Variants in NLRP5 observed in about 807,000 individuals in gnomAD.
NLRP5 encodes the protein NLR family pyrin domain containing 5, also known as NACHT, LRR and PYD domains-containing protein 5.
Under a neutral mutation model 113.1 loss-of-function variants are expected in NLRP5, and 93 were observed. The observed-to-expected ratio is 0.82, with a 90% CI of 0.70 to 0.98. NLRP5 has a LOEUF of 0.98. NLRP5 is among the 50% of genes least tolerant of loss of function. NLRP5 has a pLI of 0.00. For missense variants in NLRP5, 1,808 were observed against 1,514.3 expected (o/e 1.19, Z -3.22); for synonymous variants, 751 against 600.7 (o/e 1.25, Z -3.66).
At chr19:56,010,580 A>C (rs1374071123) in intron 3 of NLRP5, among the ~76,000 whole-genome samples, 1 of 137,634 alleles carries the variant, frequency 7.3e-6, no homozygotes, top group Non-Finnish European at 1.6e-5. Context: ...CCCCATGTCT[A>C]CTAAAAATAC....
chr19:56,032,749 G>C lies in NLRP5; in HGVS notation c.2415G>C (p.Leu805=). The stretch of plus-strand genomic sequence containing the variant: ...CCATGAAGACCCTGTGTGCCAAGCT[G>C]AGGCATCCCACCTGCAAGATACAGA... Residue 805 remains leucine (L), a synonymous_variant, in exon 8 of 15, where the codon CTG becomes CTC. Transcript: ENST00000390649. 6.2e-7 allele frequency: 1 copy of C among 1,612,182 alleles called. No homozygotes were observed. The highest frequency in any genetic ancestry group is 8.5e-7 in the Non-Finnish European group (1 of 1,179,580).
intron 2 of NLRP5, among the ~76,000 whole-genome samples, chr19:56,006,430 A>ATT (rs763285151): frequency 0.029 from 4,417 of 150,832 alleles, 82 homozygotes; most frequent in Non-Finnish European, 0.037. Context: ...ATAATTTTAA[A>ATT]AAAAAAATGG....
At chr19:56,037,714 A>AAAAAAAAAAAAAG (rs200215825) in intron 9 of NLRP5, among the ~76,000 whole-genome samples, 2 of 131,672 alleles carry the variant, frequency 1.5e-5, no homozygotes, top group Non-Finnish European at 1.6e-5. Context: ...AAAAAAAAAA[A>AAAAAAAAAAAAAG]TGTTGGCTGG....
chr19:56,023,268 A>G (rs1338042194), intron 6 of NLRP5, among the ~76,000 whole-genome samples: 1 of 152,222 alleles, frequency 6.6e-6, no homozygotes, highest in East Asian at 1.9e-4. Context: ...GTAAAAACCT[A>G]CATTCCAGTG....
chr19:56,002,794 C>T (rs549881211), intron 1 of NLRP5, among the ~76,000 whole-genome samples: 87 of 151,986 alleles, frequency 5.7e-4, no homozygotes, highest in Admixed American at 1.8e-3. Context: ...AGGACATGAA[C>T]TCATCCTTTT....
At chr19:56,038,902 T>G (rs866039813) in intron 10 of NLRP5, among the ~76,000 whole-genome samples, 15 of 152,252 alleles carry the variant, frequency 9.9e-5, no homozygotes, top group Non-Finnish European at 2.2e-4. Flanking sequence ...GCCTCAACTC[T>G]TGGGCCCAAG....
chr19:56,048,966 ATTT>A (rs57420626), intron 11 of NLRP5, among the ~76,000 whole-genome samples: 1 of 108,288 alleles, frequency 9.2e-6, no homozygotes, highest in African/African-American at 3.5e-5. Context: ...TCAAGCTCTG[ATTT>A]TTTTTTTTAA....
chr19:56,038,166 A>C lies in NLRP5; in HGVS notation c.2757A>C (p.Arg919Ser). Reference sequence around the variant, plus strand: ...TAATGCCTCTCAGTGATGCCTTGAGAGTCTCCCAGTGCGCCCTGCAGAAGC... The same window carrying C: ...TAATGCCTCTCAGTGATGCCTTGAGCGTCTCCCAGTGCGCCCTGCAGAAGC... The change falls in exon 10 of 15, where the codon AGA (arginine) becomes AGC (serine). Residue 919 changes from arginine to serine, a missense_variant. By Grantham distance (110) the Arg-to-Ser change is moderately radical (BLOSUM62 -1). Transcript: ENST00000390649. 1.2e-6 allele frequency: 2 copies of C among 1,613,470 alleles called. No homozygotes were observed. Among genetic ancestry groups the C allele is most frequent in the Non-Finnish European group, 1.7e-6 (2 of 1,179,714 alleles).
chr19:56,007,577 A>C (rs551646079), intron 2 of NLRP5, among the ~76,000 whole-genome samples: 1 of 151,182 alleles, frequency 6.6e-6, no homozygotes, highest in South Asian at 2.1e-4. Flanking sequence ...AATGAGCAGG[A>C]GGTGAAGACG....
At chr19:56,011,166 T>TATATATATAC (rs112102134) in intron 3 of NLRP5, among the ~76,000 whole-genome samples, 48,734 of 150,428 alleles carry the variant, frequency 0.32, 8,329 homozygotes, top group Non-Finnish European at 0.39. Flanking sequence ...AAAATATATA[T>TATATATATAC]ACACACATAC....
intron 10 of NLRP5, among the ~76,000 whole-genome samples, chr19:56,040,556 G>T (rs1321301992): frequency 6.6e-6 from 1 of 152,106 alleles, no homozygotes; most frequent in East Asian, 1.9e-4. Flanking sequence ...AACAGAGCGA[G>T]ACTCCATCTC....
At chr19:56,006,272 T>G (rs924481734) in intron 2 of NLRP5, among the ~76,000 whole-genome samples, 11 of 151,990 alleles carry the variant, frequency 7.2e-5, no homozygotes, top group African/African-American at 2.7e-4. Flanking sequence ...CCGGGGTCTG[T>G]TGTGGGGTGG....
intron 13 of NLRP5, among the ~76,000 whole-genome samples, chr19:56,055,708 G>A (rs1028506682): frequency 6.6e-6 from 1 of 151,330 alleles, no homozygotes. Flanking sequence ...ACCACGCCCG[G>A]CTAATTTTTT....
chr19:55,999,058 CTG>C (rs569163852), upstream of NLRP5, among the ~76,000 whole-genome samples: 89 of 152,040 alleles, frequency 5.9e-4, no homozygotes, highest in African/African-American at 2.0e-3. Context: ...ATTTCTCTGA[CTG>C]AAACTTGTTT....
intron 9 of NLRP5, 130 bp from the exon 10 acceptor site, chr19:56,037,895 C>A: frequency 1.1e-6 from 1 of 875,952 alleles, no homozygotes; most frequent in Non-Finnish European, 1.7e-6. Flanking sequence ...ACTTCTCAGG[C>A]CCGGAGGCAG....
chr19:56,026,999 A>C lies in NLRP5; in HGVS notation c.766A>C (p.Thr256Pro), dbSNP rs1333561905. The C allele has an allele frequency of 1.3e-6, 2 of 1,551,684 alleles. No individual in the cohort carries two copies. Among genetic ancestry groups the C allele is most frequent in the African/African-American group, 2.7e-5 (2 of 73,048 alleles). ...GGATGTACGTCGTAGTTTTGAAAACACTGCTGCTGACTGGCCGGAAATGCA... is the reference window on the plus strand; with the variant it reads ...GGATGTACGTCGTAGTTTTGAAAACCCTGCTGCTGACTGGCCGGAAATGCA... Residue 256 changes from threonine to proline, a missense_variant, in exon 7 of 15, where the codon ACT (threonine) becomes CCT (proline). Thr to Pro is a conservative substitution (Grantham distance 38). Coordinates refer to ENST00000390649, the MANE Select transcript of NLRP5 (RefSeq NM_153447.4).
chr19:56,033,530 T>G lies in NLRP5; in HGVS notation c.2448-12T>G. On this transcript the variant is annotated splice_polypyrimidine_tract_variant and intron_variant, in intron 8 of 14. Transcript: ENST00000390649. ...CACCAGTGTCGAATGTGTCTCCCCT[T>G]CCCCATTGCAGGTTTAGAAATGCAC... 1 of 1,603,894 alleles carries G rather than the reference T, an allele frequency of 6.2e-7. No homozygotes were observed. Among genetic ancestry groups the G allele is most frequent in the Admixed American group, 1.7e-5 (1 of 58,740 alleles).
intron 8 of NLRP5, 87 bp from the exon 9 acceptor site, chr19:56,033,455 G>A (rs1875179712): frequency 9.3e-7 from 1 of 1,069,676 alleles, no homozygotes; most frequent in Admixed American, 2.2e-5. Flanking sequence ...AAATTTGCAA[G>A]TTAGAATGGG....
At chr19:56,053,838 C>A in intron 13 of NLRP5, 30 bp downstream of exon 13, 1 of 1,605,536 alleles carries the variant, frequency 6.2e-7, no homozygotes, top group Non-Finnish European at 8.5e-7. Context: ...CTTTGCGGGC[C>A]GGGCTGGGAG....
Sources: gnomAD v4.1 joint callset for allele counts (sites outside exome capture counted in the v4.1 genomes callset) on GRCh38, gnomAD v4.1.1 for gene constraint, MANE v1.5 for transcripts, NCBI Gene and HGNC (gene_info 2026-07-23, HGNC 2026-07-21) for gene names.